Variants in TMEM181 observed in about 807,000 individuals in gnomAD.
TMEM181 encodes the protein transmembrane protein 181, also known as G protein-coupled receptor 178.
TMEM181 carries 39 observed loss-of-function variants against 71.9 expected under a neutral mutation model. The observed-to-expected ratio is 0.54, with a 90% CI of 0.42 to 0.71. TMEM181 has a LOEUF of 0.71. Among genes scored for constraint, TMEM181 ranks in the 30% least tolerant of loss-of-function variants. The pLI, the probability that TMEM181 is intolerant of heterozygous loss-of-function variation, is 0.00. For missense variants in TMEM181, 595 were observed against 583.0 expected (o/e 1.02, Z -0.21); for synonymous variants, 245 against 228.8 (o/e 1.07, Z -0.64).
chr6:158,537,330 G>A (rs772230163), intron 1 of TMEM181, among the ~76,000 whole-genome samples: 12 of 152,098 alleles, frequency 7.9e-5, no homozygotes, highest in Non-Finnish European at 1.3e-4. Context: ...GAGCGCCCTA[G>A]GCTTTGCAGG....
At chr6:158,570,342 C>T (rs1242456654) in intron 1 of TMEM181, among the ~76,000 whole-genome samples, 1 of 151,616 alleles carries the variant, frequency 6.6e-6, no homozygotes, top group East Asian at 1.9e-4. Context: ...ACACCGTTCT[C>T]CTGCCTCGGC....
intron 7 of TMEM181, among the ~76,000 whole-genome samples, chr6:158,606,102 G>C (rs1438104627): frequency 6.6e-6 from 1 of 152,130 alleles, no homozygotes; most frequent in Non-Finnish European, 1.5e-5. Context: ...GCACATGTGA[G>C]GGGGTGCTCT....
rs1359752935 is a variant in TMEM181 at position 158,620,449 on chromosome 6, A to G, written c.897-3101A>G. 3.3e-5 allele frequency among the ~76,000 whole-genome samples: 5 copies of G among 152,212 alleles called. No individual in the cohort carries two copies. The highest frequency in any genetic ancestry group is 7.3e-5 in the Non-Finnish European group (5 of 68,050). On this transcript the variant is annotated intron_variant, in intron 10 of 16. Transcript: ENST00000684151. This position sits in a 1 kb window ranked among gnomAD's most constrained non-coding sequence, Gnocchi z 4.5. Reference sequence around the variant, plus strand: ...ATTAGTGTCTGATGTTGGATGTTCCAGTTGGAATCACCAAAGGGCTTCCCG... The same window carrying G: ...ATTAGTGTCTGATGTTGGATGTTCCGGTTGGAATCACCAAAGGGCTTCCCG...
rs984224340 is a variant in TMEM181 at position 158,628,129 on chromosome 6, G to C, written c.1110-279G>C. Reference sequence around the variant, plus strand: ...AGGAGGCTTCAAGGCCCCGAGTAGGGAGAGTGTGATGGGGCCTGCAGCAGG... The same window carrying C: ...AGGAGGCTTCAAGGCCCCGAGTAGGCAGAGTGTGATGGGGCCTGCAGCAGG... On this transcript the variant is annotated intron_variant, in intron 13 of 16. Transcript: ENST00000684151. The C allele has an allele frequency of 2.2e-4, 133 of 601,982 alleles. 1 individual carries two copies. In the Admixed American group the frequency reaches 3.0e-3, roughly 14 times the overall value. 37.3% of individuals were successfully genotyped at this position (601,982 alleles called of 1,614,324 possible). A position where few individuals can be genotyped will look rare whatever the true frequency, so the allele number is the denominator to read the frequency against.
intron 1 of TMEM181, among the ~76,000 whole-genome samples, chr6:158,550,977 T>A (rs1045969737): frequency 5.3e-5 from 8 of 151,414 alleles, no homozygotes; most frequent in African/African-American, 1.9e-4. Context: ...TTTTTTTTTT[T>A]TTTAGACAGA....
chr6:158,620,473 C>T lies in TMEM181; in HGVS notation c.897-3077C>T, dbSNP rs760125637. On this transcript the variant is annotated intron_variant, in intron 10 of 16. Transcript: ENST00000684151. This position sits in a 1 kb window ranked among gnomAD's most constrained non-coding sequence, Gnocchi z 4.5. ...CAGTTGGAATCACCAAAGGGCTTCCCGAACCGGCATGCGTGAGGAAGAGAG... is the reference window on the plus strand; with the variant it reads ...CAGTTGGAATCACCAAAGGGCTTCCTGAACCGGCATGCGTGAGGAAGAGAG... 7.2e-5 allele frequency among the ~76,000 whole-genome samples: 11 copies of T among 151,918 alleles called. No homozygotes were observed. Among genetic ancestry groups the T allele is most frequent in the African/African-American group, 1.7e-4 (7 of 41,320 alleles).
chr6:158,573,645 A>C (rs1404301656), intron 2 of TMEM181, 122 bp downstream of exon 2: 1 of 798,994 alleles, frequency 1.3e-6, no homozygotes, highest in African/African-American at 1.7e-5. Flanking sequence ...TGGAGGGAGA[A>C]GTGTCCACAG....
In TMEM181 at chr6:158,632,301, G is replaced by A. The variant is rs1353869362; in HGVS notation, c.*413G>A. 2.9e-5 allele frequency: 6 copies of A among 208,206 alleles called. No individual in the cohort carries two copies. Among genetic ancestry groups the A allele is most frequent in the Non-Finnish European group, 5.0e-5 (5 of 99,854 alleles). The allele number at this position is 208,206 out of a possible 1,614,324, so 12.9% of individuals were successfully genotyped here. On this transcript the variant is annotated 3_prime_UTR_variant, in exon 17 of 17. Transcript: ENST00000684151. ...CACCCTCTTTCTTCCCTTTTCCATG[G>A]TACTGTTTTGTGACCCTTTAAACTC... is the stretch of plus-strand genomic sequence containing the variant.
chr6:158,625,276 G>C, intron 12 of TMEM181, 70 bp downstream of exon 12: 1 of 1,390,872 alleles, frequency 7.2e-7, no homozygotes, highest in South Asian at 1.2e-5. Flanking sequence ...GAAGTGGTTG[G>C]AGTCTCCCAA....
intron 2 of TMEM181, among the ~76,000 whole-genome samples, chr6:158,578,378 C>T (rs1183629270): frequency 1.3e-5 from 2 of 151,924 alleles, no homozygotes; most frequent in African/African-American, 4.8e-5. Flanking sequence ...TTGTTTTCAA[C>T]GTTATTTGAA....
intron 15 of TMEM181, 112 bp from the exon 16 acceptor site, chr6:158,631,211 C>T (rs1583065096): frequency 1.4e-5 from 15 of 1,069,804 alleles, no homozygotes; most frequent in East Asian, 4.7e-5. Flanking sequence ...GGCAGCTCTG[C>T]GATTTGAGTC....
At chr6:158,604,018 G>A (rs1370530191) in intron 6 of TMEM181, among the ~76,000 whole-genome samples, 2 of 152,202 alleles carry the variant, frequency 1.3e-5, no homozygotes, top group African/African-American at 4.8e-5. Context: ...TTTTCCTAAC[G>A]CTGAGGCAAA....
At chr6:158,549,536 C>A (rs1310203132) in intron 1 of TMEM181, among the ~76,000 whole-genome samples, 3 of 152,166 alleles carry the variant, frequency 2.0e-5, no homozygotes, top group Non-Finnish European at 4.4e-5. Flanking sequence ...GACTTCAAGA[C>A]TATGGTGGTG....
At chr6:158,608,878 A>G in intron 10 of TMEM181, 128 bp downstream of exon 10, 2 of 843,844 alleles carry the variant, frequency 2.4e-6, no homozygotes, top group South Asian at 3.4e-5. Context: ...CAGGCAAGTC[A>G]CTTGAGCTCA....
chr6:158,578,903 C>T (rs749502302), intron 2 of TMEM181, among the ~76,000 whole-genome samples: 1 of 152,194 alleles, frequency 6.6e-6, no homozygotes, highest in Admixed American at 6.5e-5. Flanking sequence ...AAGGTTATGC[C>T]ATGCAAATAG....
In TMEM181 at chr6:158,631,882, T is replaced by A. The variant is rs752014108; in HGVS notation, c.1422T>A (p.Ser474Arg). ...IRAKYKEESD[S>R]D is the part of the protein sequence containing the mutation. ...CCAAGTACAAGGAGGAGTCAGATAG[T>A]GACTGAGCCCCGGCCAGCCCAGCGA... Residue 474 changes from serine (S) to arginine (R), a missense_variant, in exon 17 of 17, where the codon AGT becomes AGA. Coordinates refer to ENST00000684151, the MANE Select transcript of TMEM181 (RefSeq NM_001376852.1). 6.3e-7 allele frequency: 1 copy of A among 1,589,994 alleles called. No individual in the cohort carries two copies. Among genetic ancestry groups the A allele is most frequent in the Non-Finnish European group, 8.6e-7 (1 of 1,167,670 alleles).
At chr6:158,584,795 C>T (rs374905212) in intron 4 of TMEM181, among the ~76,000 whole-genome samples, 3 of 152,102 alleles carry the variant, frequency 2.0e-5, no homozygotes, top group Admixed American at 6.5e-5. Flanking sequence ...CATATTACTA[C>T]GTATTTGTCT....
chr6:158,624,612 C>T (rs887466096), intron 11 of TMEM181, among the ~76,000 whole-genome samples: 2 of 152,240 alleles, frequency 1.3e-5, no homozygotes, highest in African/African-American at 4.8e-5. Context: ...GACCTTAGGT[C>T]CTGTAGGGCA....
chr6:158,551,766 C>T (rs1268026515), intron 1 of TMEM181, among the ~76,000 whole-genome samples: 1 of 152,064 alleles, frequency 6.6e-6, no homozygotes, highest in Non-Finnish European at 1.5e-5. Flanking sequence ...ATTTTTGAAA[C>T]ATTTGTATTG....
Sources: gnomAD v4.1 joint callset for allele counts (sites outside exome capture counted in the v4.1 genomes callset) on GRCh38, gnomAD v4.1.1 for gene constraint, Gnocchi (gnomAD v3.1) non-coding constraint, MANE v1.5 for transcripts, NCBI Gene and HGNC (gene_info 2026-07-23, HGNC 2026-07-21) for gene names.